CNTRL: variants seen among roughly 807,000 people sequenced by gnomAD.
CNTRL encodes centriolin.
Under a neutral mutation model 303.7 loss-of-function variants are expected in CNTRL, and 233 were observed. That is an observed-to-expected ratio of 0.77 (90% confidence interval 0.69 to 0.86). The LOEUF (loss-of-function observed/expected upper bound fraction) is 0.86. Ranked by LOEUF, CNTRL falls within the 40% of genes least tolerant of loss-of-function variation. The pLI is 0.00. For synonymous variants in CNTRL, 900 were observed against 922.2 expected (o/e 0.98, Z 0.44); for missense variants, 2,524 against 2,650.6 (o/e 0.95, Z 1.05).
chr9:121,151,378 T>TTTC (rs1232877538), intron 25 of CNTRL, among the ~76,000 whole-genome samples: 4 of 125,566 alleles, frequency 3.2e-5, no homozygotes, highest in African/African-American at 1.1e-4. Flanking sequence ...CTTTTTCTTT[T>TTTC]TTCTTCTTCT....
chr9:121,136,147 A>G (rs145207289), intron 15 of CNTRL, among the ~76,000 whole-genome samples, 165 bp downstream of exon 15: 1 of 152,266 alleles, frequency 6.6e-6, no homozygotes, highest in African/African-American at 2.4e-5. Context: ...AGTGCTAATA[A>G]CTACCCCTGT....
chr9:121,095,109 T>C (rs1157175759), intron 5 of CNTRL, 91 bp downstream of exon 5: 6 of 973,758 alleles, frequency 6.2e-6, no homozygotes. Context: ...AAAGAATGAT[T>C]TGACAGAAAC....
At chr9:121,135,700 A>G (rs1487242501) in intron 14 of CNTRL, 106 bp from the exon 15 acceptor site, 12 of 1,011,114 alleles carry the variant, frequency 1.2e-5, no homozygotes, top group Middle Eastern at 3.5e-4. Flanking sequence ...AGGCATCAGT[A>G]GCTGGCCAGC....
chr9:121,114,700 T>G (rs1354451205), intron 10 of CNTRL, among the ~76,000 whole-genome samples: 1 of 152,160 alleles, frequency 6.6e-6, no homozygotes, highest in Non-Finnish European at 1.5e-5. Context: ...TCATAAAGCA[T>G]TTGCCTCTAA....
intron 2 of CNTRL, among the ~76,000 whole-genome samples, chr9:121,084,592 T>A (rs1343400996): frequency 6.6e-6 from 1 of 150,864 alleles, no homozygotes; most frequent in Non-Finnish European, 1.5e-5. Flanking sequence ...TCACCCAGGC[T>A]GGAGTGCAGT....
intron 14 of CNTRL, among the ~76,000 whole-genome samples, chr9:121,131,382 G>T (rs1003847579): frequency 6.6e-6 from 1 of 152,196 alleles, no homozygotes; most frequent in African/African-American, 2.4e-5. Context: ...TCACCATTAT[G>T]TAATACCCTT....
At chr9:121,124,673 C>T (rs1176037434) in intron 13 of CNTRL, among the ~76,000 whole-genome samples, 1 of 151,056 alleles carries the variant, frequency 6.6e-6, no homozygotes, top group Non-Finnish European at 1.5e-5. Flanking sequence ...AGTGGTGGCT[C>T]ACGCCTGTAA....
At position 121,166,097 on chromosome 9, in the gene CNTRL, A is replaced by G; in HGVS notation, c.5582-10A>G. ...GTATTTCTTATTTCATGAGAATGTC[A>G]TTTCTTTAGAAAAACGAGAAGCAGT... is the stretch of plus-strand genomic sequence containing the variant. On this transcript the variant is annotated splice_polypyrimidine_tract_variant and intron_variant, in intron 35 of 43. Transcript: ENST00000373855. 6.2e-7 allele frequency: 1 copy of G among 1,602,394 alleles called. No homozygotes were observed. Among genetic ancestry groups the G allele is most frequent in the Non-Finnish European group, 8.5e-7 (1 of 1,171,960 alleles).
At chr9:121,163,370 G>A (rs1237049316) in intron 34 of CNTRL, among the ~76,000 whole-genome samples, 2 of 148,968 alleles carry the variant, frequency 1.3e-5, no homozygotes, top group Non-Finnish European at 3.0e-5. Flanking sequence ...TTATATATAG[G>A]ACCATAAACA....
At chr9:121,130,564 A>C (rs1455510932) in intron 14 of CNTRL, among the ~76,000 whole-genome samples, 2 of 151,614 alleles carry the variant, frequency 1.3e-5, no homozygotes, top group Non-Finnish European at 2.9e-5. Context: ...TATTTTGTTG[A>C]TCTTTTCAAA....
chr9:121,119,313 C>CTTTTTTTTTTTTT (rs573341305), intron 12 of CNTRL, among the ~76,000 whole-genome samples: 2 of 137,052 alleles, frequency 1.5e-5, no homozygotes, highest in African/African-American at 2.7e-5. Flanking sequence ...CTCTCTCTCT[C>CTTTTTTTTTTTTT]TTTTTTTTTT....
At chr9:121,100,431 C>T (rs1178246740) in intron 7 of CNTRL, among the ~76,000 whole-genome samples, 1 of 152,220 alleles carries the variant, frequency 6.6e-6, no homozygotes, top group African/African-American at 2.4e-5. Context: ...AAAGGAACAA[C>T]TGGTACCAGC....
intron 4 of CNTRL, among the ~76,000 whole-genome samples, chr9:121,093,494 G>A (rs190961837): frequency 1.3e-5 from 2 of 152,206 alleles, no homozygotes; most frequent in Admixed American, 6.5e-5. Context: ...AAACTCTTTA[G>A]GTCCCAAGCA....
intron 21 of CNTRL, 119 bp from the exon 22 acceptor site, chr9:121,145,125 C>T: frequency 8.1e-7 from 1 of 1,238,286 alleles, no homozygotes; most frequent in Non-Finnish European, 1.1e-6. Context: ...CCAAGTAATG[C>T]AGTTTCCTCA....
In CNTRL at chr9:121,099,694, CAG is replaced by C. The variant is rs563588746; in HGVS notation, c.808+1123_808+1124del. Among the ~76,000 whole-genome samples, 834 of 152,258 alleles carry C rather than the reference CAG, an allele frequency of 5.5e-3. 10 individuals are homozygous for C. The highest frequency in any genetic ancestry group is 0.019 in the African/African-American group (794 of 41,568). ...GGCACGAATGTCTAACTAGAATAAA[CAG>C]CATAGAGAAGACCTTAAATGACCTG... On this transcript the variant is annotated intron_variant, in intron 7 of 43. Coordinates refer to ENST00000373855, the MANE Select transcript of CNTRL (RefSeq NM_007018.6).
At chr9:121,150,124 A>G in intron 24 of CNTRL, 46 bp from the exon 25 acceptor site, 1 of 1,498,268 alleles carries the variant, frequency 6.7e-7, no homozygotes, top group South Asian at 1.3e-5. Context: ...CCATGGGGGT[A>G]AAACACTCTT....
In CNTRL at chr9:121,169,622, T is replaced by A. The variant is rs1400426964; in HGVS notation, c.6082T>A (p.Ser2028Thr). The A allele has an allele frequency of 1.2e-6, 2 of 1,614,034 alleles. No homozygotes were observed. The highest frequency in any genetic ancestry group is 2.7e-5 in the African/African-American group (2 of 74,924). The part of the protein sequence containing the change: ...KTLSQTKRQL[S>T]EREQQLVEKS... The stretch of plus-strand genomic sequence containing the variant: ...AATGCTCATTTCAGAACGGCAGCTT[T>A]CAGAAAGGGAGCAGCAATTGGTGGA... The change falls in exon 39 of 44, where the codon TCA (serine) becomes ACA (threonine). Residue 2028 changes from serine to threonine, a missense_variant. Physicochemically the swap from Ser to Thr is moderately conservative, Grantham distance 58. Coordinates refer to ENST00000373855, the MANE Select transcript of CNTRL (RefSeq NM_007018.6).
intron 7 of CNTRL, among the ~76,000 whole-genome samples, chr9:121,099,066 G>A (rs1002841546): frequency 2.3e-4 from 35 of 152,306 alleles, no homozygotes; most frequent in African/African-American, 8.2e-4. Context: ...GAAGAGAGTA[G>A]TGGTTCTCCC....
At chr9:121,157,719 G>A (rs1256658444) in intron 28 of CNTRL, 21 bp from the exon 29 acceptor site, 1 of 1,612,528 alleles carries the variant, frequency 6.2e-7, no homozygotes, top group Admixed American at 1.7e-5. Context: ...GACCTGGGGG[G>A]AATAAAGCAA....
Sources: gnomAD v4.1 joint callset for allele counts (sites outside exome capture counted in the v4.1 genomes callset) on GRCh38, gnomAD v4.1.1 for gene constraint, MANE v1.5 for transcripts, NCBI Gene and HGNC (gene_info 2026-07-23, HGNC 2026-07-21) for gene names.